The following CFAP77 variants were observed in gnomAD, a reference collection of about 807,000 sequenced individuals.
CFAP77 encodes cilia- and flagella-associated protein 77.
CFAP77 carries 25 observed loss-of-function variants against 31.1 expected under a neutral mutation model. The observed-to-expected ratio is 0.80, with a 90% CI of 0.59 to 1.12. CFAP77 has a LOEUF of 1.12. Among genes scored for constraint, CFAP77 ranks in the 50% most tolerant of loss-of-function variants. CFAP77 has a pLI of 0.00. For synonymous variants in CFAP77, 151 were observed against 159.9 expected (o/e 0.94, Z 0.42); for missense variants, 377 against 397.3 (o/e 0.95, Z 0.44).
chr9:132,555,199 G>C lies in CFAP77; in HGVS notation c.732+12152G>C, dbSNP rs570006062. Reference sequence around the variant, plus strand: ...GCTCTAATAGTCCTATTTGTGACTTGTCAGGCTTAGCCTCGTCAACCACAG... The same window carrying C: ...GCTCTAATAGTCCTATTTGTGACTTCTCAGGCTTAGCCTCGTCAACCACAG... On this transcript the variant is annotated intron_variant, in intron 5 of 5. Transcript: ENST00000393216. Among the ~76,000 whole-genome samples, 24 of 152,286 alleles carry C rather than the reference G, an allele frequency of 1.6e-4. No homozygotes were observed. In the South Asian group the frequency reaches 5.0e-3, roughly 32 times the overall value.
rs375455824 is a variant in CFAP77 at position 132,498,760 on chromosome 9, C to T, written c.261C>T (p.Leu87=). 8.7e-6 allele frequency: 14 copies of T among 1,611,688 alleles called. No homozygotes were observed. The highest frequency in any genetic ancestry group is 1.3e-5 in the African/African-American group (1 of 74,928). The change falls in exon 2 of 6, where the codon CTC becomes CTT. Residue 87 remains leucine (L), a synonymous_variant. Coordinates refer to ENST00000393216, the MANE Select transcript of CFAP77 (RefSeq NM_001282957.2). This position sits in a 1 kb window ranked among gnomAD's most constrained non-coding sequence, Gnocchi z 4.2. ...SLPGINFNYG[L]YIRGLDGGVP... is the part of the protein sequence containing the mutation. ...CCGGCATTAATTTTAATTATGGACT[C>T]TACATCCGAGGGCTTGACGGAGGAG...
chr9:132,457,158 G>A (rs1850932109), intron 1 of CFAP77, among the ~76,000 whole-genome samples: 1 of 152,114 alleles, frequency 6.6e-6, no homozygotes, highest in Non-Finnish European at 1.5e-5. Context: ...CTGAAGATGA[G>A]GAAGATGAGG....
intron 3 of CFAP77, among the ~76,000 whole-genome samples, chr9:132,506,672 T>C (rs996587852): frequency 1.3e-5 from 2 of 152,132 alleles, no homozygotes; most frequent in Non-Finnish European, 2.9e-5. Context: ...GCACTAACAA[T>C]GGCAACTATG....
At position 132,416,105 on chromosome 9, in the gene CFAP77, C is replaced by T. The variant is rs75435599; in HGVS notation, c.195+5639C>T. ...CATAGGACTTTGGGCTGAGCGAATC[C>T]CTTGGAGTAGGACAGTGTGCTGAGG... On this transcript the variant is annotated intron_variant, in intron 1 of 5. Transcript: ENST00000393216. Among the ~76,000 whole-genome samples the T allele has an allele frequency of 2.0e-5, 3 of 151,880 alleles. No individual in the cohort carries two copies. The East Asian group carries it at 5.8e-4, about 29-fold the overall frequency.
At chr9:132,550,304 C>A (rs1372772682) in intron 5 of CFAP77, among the ~76,000 whole-genome samples, 1 of 152,202 alleles carries the variant, frequency 6.6e-6, no homozygotes, top group African/African-American at 2.4e-5. Flanking sequence ...AGTAAGACAG[C>A]TGGTTTGGGC....
At position 132,501,763 on chromosome 9, in the gene CFAP77, T is replaced by C. The variant is rs577008173; in HGVS notation, c.524+2163T>C. Among the ~76,000 whole-genome samples, 2 of 152,332 alleles carry C rather than the reference T, an allele frequency of 1.3e-5. No individual in the cohort carries two copies. The highest frequency in any genetic ancestry group is 3.9e-4 in the East Asian group (2 of 5,178). On this transcript the variant is annotated intron_variant, in intron 3 of 5. Transcript: ENST00000393216. This position sits in a 1 kb window ranked among gnomAD's most constrained non-coding sequence, Gnocchi z 4.6. Reference sequence around the variant, plus strand: ...GCTGAGACGCCAGGCCTGGGTCATGTGTCTGCCTCAGAGCCAATGGCTGAG... The same window carrying C: ...GCTGAGACGCCAGGCCTGGGTCATGCGTCTGCCTCAGAGCCAATGGCTGAG...
At chr9:132,562,457 C>T (rs536967246) in intron 5 of CFAP77, among the ~76,000 whole-genome samples, 13 of 152,200 alleles carry the variant, frequency 8.5e-5, no homozygotes, top group Admixed American at 2.0e-4. Flanking sequence ...AACAGGGAAG[C>T]GTTTTGTATG....
chr9:132,424,299 G>A lies in CFAP77; in HGVS notation c.195+13833G>A, dbSNP rs1399888659. Among the ~76,000 whole-genome samples the A allele has an allele frequency of 6.6e-6, 1 of 152,182 alleles. No individual in the cohort carries two copies. Among genetic ancestry groups the A allele is most frequent in the Non-Finnish European group, 1.5e-5 (1 of 68,030 alleles). On this transcript the variant is annotated intron_variant, in intron 1 of 5. Coordinates refer to ENST00000393216, the MANE Select transcript of CFAP77 (RefSeq NM_001282957.2). This position sits in a 1 kb window ranked among gnomAD's most constrained non-coding sequence, Gnocchi z 4.1. ...TGCCTGTAGTCCCAGCTACTCAGGA[G>A]GCTGAGGCAGGAGAATCACTTGAAC...
intron 1 of CFAP77, among the ~76,000 whole-genome samples, chr9:132,465,283 G>T (rs787888): frequency 0.12 from 17,859 of 152,022 alleles, 1,210 homozygotes; most frequent in East Asian, 0.35. Context: ...CTCTTCTACT[G>T]AAATTCATTA....
intron 1 of CFAP77, among the ~76,000 whole-genome samples, chr9:132,420,626 A>G (rs1020926373): frequency 3.3e-5 from 5 of 150,708 alleles, no homozygotes; most frequent in African/African-American, 1.2e-4. Context: ...GCGCCATTGC[A>G]CTCCGGCCTG....
chr9:132,506,491 C>T (rs774114574), intron 3 of CFAP77, among the ~76,000 whole-genome samples: 70 of 152,020 alleles, frequency 4.6e-4, no homozygotes, highest in Non-Finnish European at 8.1e-4. Context: ...AGCTGGCGCT[C>T]CTGGTGGACT....
chr9:132,490,598 C>A lies in CFAP77; in HGVS notation c.196-8097C>A, dbSNP rs566551182. On this transcript the variant is annotated intron_variant, in intron 1 of 5. Transcript: ENST00000393216. The surrounding 1 kb of genome is among the most constrained non-coding windows in gnomAD (Gnocchi z 4.6). ...GGGTCAGCGCTGGGCACTCCCACCTCTGGCTCCAGGCCGCTCCCTGCTCTA... is the reference window on the plus strand; with the variant it reads ...GGGTCAGCGCTGGGCACTCCCACCTATGGCTCCAGGCCGCTCCCTGCTCTA... Among the ~76,000 whole-genome samples, 1 of 152,334 alleles carries A rather than the reference C, an allele frequency of 6.6e-6. No homozygotes were observed. Among genetic ancestry groups the A allele is most frequent in the East Asian group, 1.9e-4 (1 of 5,186 alleles).
chr9:132,531,765 G>A (rs931691614), intron 3 of CFAP77, among the ~76,000 whole-genome samples: 8 of 152,248 alleles, frequency 5.3e-5, no homozygotes, highest in African/African-American at 1.7e-4. Flanking sequence ...CAGCCTGCCG[G>A]TCTCCTTCAG....
rs1850551538 is a variant in CFAP77, at chr9:132,438,535, A to ATTTTT, written c.195+28070_195+28071insTTTTT. On this transcript the variant is annotated intron_variant, in intron 1 of 5. Coordinates refer to ENST00000393216, the MANE Select transcript of CFAP77 (RefSeq NM_001282957.2). ...ACAGATATGGTATATATATATATAT[A>ATTTTT]TATATATTTTTTTTTTTTTTTTTAG... is the stretch of plus-strand genomic sequence containing the variant. Among the ~76,000 whole-genome samples the ATTTTT allele has an allele frequency of 5.6e-5, 6 of 107,936 alleles. 1 individual carries two copies. Among genetic ancestry groups the ATTTTT allele is most frequent in the South Asian group, 6.2e-4 (2 of 3,202 alleles). The allele number at this position is 107,936 out of a possible 152,430, so 70.8% of individuals were successfully genotyped here. A position where few individuals can be genotyped will look rare whatever the true frequency, so the allele number is the denominator to read the frequency against.
intron 1 of CFAP77, among the ~76,000 whole-genome samples, chr9:132,436,832 A>G (rs1850512413): frequency 6.6e-6 from 1 of 152,170 alleles, no homozygotes; most frequent in Non-Finnish European, 1.5e-5. Flanking sequence ...ACACAAAATT[A>G]TATGTCTAGT....
chr9:132,514,789 C>T (rs1465549119), intron 3 of CFAP77, among the ~76,000 whole-genome samples: 1 of 152,228 alleles, frequency 6.6e-6, no homozygotes, highest in Non-Finnish European at 1.5e-5. Context: ...CAGAGGTCCT[C>T]TTCTCTAATT....
chr9:132,456,119 T>C (rs1166360575), intron 1 of CFAP77, among the ~76,000 whole-genome samples: 1 of 152,210 alleles, frequency 6.6e-6, no homozygotes, highest in Admixed American at 6.5e-5. Context: ...CTAGGCTCCG[T>C]TGAACGAGAC....
intron 3 of CFAP77, among the ~76,000 whole-genome samples, chr9:132,502,279 G>A: frequency 8.6e-6 from 1 of 116,490 alleles, no homozygotes; most frequent in Non-Finnish European, 1.9e-5. Context: ...TTTTTTTTTG[G>A]GGGAGGGGGG....
chr9:132,414,454 C>A (rs1174611115), intron 1 of CFAP77, among the ~76,000 whole-genome samples: 4 of 151,964 alleles, frequency 2.6e-5, no homozygotes, highest in African/African-American at 7.3e-5. Context: ...CAGCTTAGCA[C>A]AGCACCTGCT....
Sources: gnomAD v4.1 joint callset for allele counts (sites outside exome capture counted in the v4.1 genomes callset) on GRCh38, gnomAD v4.1.1 for gene constraint, Gnocchi (gnomAD v3.1) non-coding constraint, MANE v1.5 for transcripts, NCBI Gene and HGNC (gene_info 2026-07-23, HGNC 2026-07-21) for gene names.